The following CACNA1C variants were observed in gnomAD, a reference collection of about 807,000 sequenced individuals.
CACNA1C encodes the protein voltage-dependent L-type calcium channel subunit alpha-1C.
CACNA1C carries 30 observed loss-of-function variants against 229.0 expected under a neutral mutation model. The ratio of observed to expected loss-of-function variants is 0.13; its 90% CI spans 0.10 to 0.18. The LOEUF is 0.18. CACNA1C is among the 10% of genes least tolerant of loss of function. The pLI is 1.00. For synonymous variants in CACNA1C, 1,114 were observed against 1,132.5 expected, an observed-to-expected ratio of 0.98 and a Z score of 0.33; for missense variants, 1,658 against 2,845.0, an observed-to-expected ratio of 0.58 and a Z score of 9.49.
At chr12:2,027,567 C>T (rs1014334345) in intron 1 of CACNA1C, among the ~76,000 whole-genome samples, 2 of 152,172 alleles carry the variant, frequency 1.3e-5, no homozygotes, top group Admixed American at 6.5e-5. Flanking sequence ...TAACCTCTTC[C>T]AAGCACTGCA....
intron 3 of CACNA1C, among the ~76,000 whole-genome samples, chr12:2,291,380 C>T (rs2093486272): frequency 6.6e-6 from 1 of 152,162 alleles, no homozygotes; most frequent in African/African-American, 2.4e-5. Context: ...TTTGCCTGCA[C>T]CACCTACTGG....
Position 2,566,581 on chromosome 12 carries a change from A to T in CACNA1C, c.1668A>T (p.Gln556His). 6.3e-7 allele frequency: 1 copy of T among 1,594,218 alleles called. No homozygotes were observed. Among genetic ancestry groups the T allele is most frequent in the Non-Finnish European group, 8.5e-7 (1 of 1,170,752 alleles). ...YNQPNWLTEV[Q>H]DTANKALLAL... ...AGCCCAACTGGCTCACAGAAGTCCA[A>T]GGTGAGCGGCGGCCCCAGCTCTGCT... is the stretch of plus-strand genomic sequence containing the variant. Residue 556 changes from glutamine to histidine, a missense_variant and splice_region_variant, in exon 12 of 47, where the codon CAA becomes CAT. Around this residue, in one of 20 missense-constraint regions of CACNA1C, gnomAD observed 149 missense variants for 194.2 expected, o/e 0.77. Transcript: ENST00000399655. This position sits in a 1 kb window ranked among gnomAD's most constrained non-coding sequence, Gnocchi z 4.0.
intron 42 of CACNA1C, among the ~76,000 whole-genome samples, chr12:2,681,077 C>T (rs745638294): frequency 6.6e-6 from 1 of 152,158 alleles, no homozygotes; most frequent in African/African-American, 2.4e-5. Context: ...GTCCCCATAC[C>T]CCCTTCTCCC....
At chr12:2,379,384 C>T (rs761399416) in intron 3 of CACNA1C, among the ~76,000 whole-genome samples, 65 of 152,188 alleles carry the variant, frequency 4.3e-4, no homozygotes, top group Non-Finnish European at 7.3e-4. Context: ...ATCCCTTTAT[C>T]GGTTTTCTCT....
At chr12:2,462,284 G>A (rs535224356) in intron 5 of CACNA1C, among the ~76,000 whole-genome samples, 4 of 147,224 alleles carry the variant, frequency 2.7e-5, no homozygotes, top group South Asian at 2.2e-4. Flanking sequence ...ACACTTCCTC[G>A]GCACCCCCTC....
Position 2,541,231 on chromosome 12 carries a change from A to C in CACNA1C, c.1391-8712A>C, listed in dbSNP as rs2099869382. On this transcript the variant is annotated intron_variant, in intron 9 of 46. Coordinates refer to ENST00000399655, the MANE Select transcript of CACNA1C (RefSeq NM_000719.7). ...CCTCAGCATCTGAATTTCCGAGGGG[A>C]TATAACTCAACTCACAGCAGATAAG... is the stretch of plus-strand genomic sequence containing the variant. Among the ~76,000 whole-genome samples the C allele has an allele frequency of 2.0e-5, 3 of 152,166 alleles. No homozygotes were observed. The South Asian group carries it at 6.2e-4, about 32-fold the overall frequency.
intron 3 of CACNA1C, among the ~76,000 whole-genome samples, chr12:2,361,242 T>TA (rs1341951643): frequency 6.6e-6 from 1 of 151,876 alleles, no homozygotes; most frequent in Non-Finnish European, 1.5e-5. Context: ...CCCTGACACT[T>TA]AAAAAATAAT....
At chr12:2,406,823 A>G (rs2098742618) in intron 3 of CACNA1C, among the ~76,000 whole-genome samples, 1 of 152,210 alleles carries the variant, frequency 6.6e-6, no homozygotes, top group Non-Finnish European at 1.5e-5. Flanking sequence ...TGTTCTTGGT[A>G]TGAGGAATGA....
At chr12:2,289,338 G>A (rs1033329042) in intron 3 of CACNA1C, among the ~76,000 whole-genome samples, 1 of 152,174 alleles carries the variant, frequency 6.6e-6, no homozygotes, top group African/African-American at 2.4e-5. Flanking sequence ...TTCCTTCACT[G>A]CCTGGGGAGG....
At chr12:2,382,193 T>C (rs780390090) in intron 3 of CACNA1C, among the ~76,000 whole-genome samples, 1 of 152,204 alleles carries the variant, frequency 6.6e-6, no homozygotes, top group Non-Finnish European at 1.5e-5. Flanking sequence ...ACAATAGCAT[T>C]AGCAGTTTCT....
At chr12:2,325,012 G>T (rs2096226155) in intron 3 of CACNA1C, among the ~76,000 whole-genome samples, 1 of 152,194 alleles carries the variant, frequency 6.6e-6, no homozygotes, top group Non-Finnish European at 1.5e-5. Flanking sequence ...TGACAAAAGA[G>T]GTTAAATCAC....
chr12:2,144,790 G>A (rs1394941399), intron 3 of CACNA1C, among the ~76,000 whole-genome samples: 1 of 151,274 alleles, frequency 6.6e-6, no homozygotes, highest in African/African-American at 2.4e-5. Context: ...TTTTCATCCT[G>A]CTAAAGTGAT....
intron 3 of CACNA1C, among the ~76,000 whole-genome samples, chr12:2,411,624 T>C (rs570695896): frequency 1.4e-4 from 21 of 152,278 alleles, no homozygotes; most frequent in Admixed American, 5.2e-4. Flanking sequence ...AAAGCAGCCA[T>C]GAGGTAGCCT....
Position 2,556,814 on chromosome 12 carries a change from T to C in CACNA1C, c.1482-137T>C, listed in dbSNP as rs982142736. 1.3e-5 allele frequency: 10 copies of C among 747,394 alleles called. No homozygotes were observed. The African/African-American group carries it at 1.5e-4, about 12-fold the overall frequency. 46.3% of individuals were successfully genotyped at this position (747,394 alleles called of 1,614,324 possible). The stretch of plus-strand genomic sequence containing the variant: ...TAGGGTTCTTTCTCTCCCAAGATGT[T>C]CTAGTTCACACCATGCCTCCTTCCA... On this transcript the variant is annotated intron_variant, in intron 10 of 46. Coordinates refer to ENST00000399655, the MANE Select transcript of CACNA1C (RefSeq NM_000719.7).
intron 3 of CACNA1C, among the ~76,000 whole-genome samples, chr12:2,381,185 C>G (rs2098235860): frequency 6.6e-6 from 1 of 152,152 alleles, no homozygotes; most frequent in Non-Finnish European, 1.5e-5. Flanking sequence ...GAGGTTAGAT[C>G]AGGCTTCCAA....
At chr12:2,321,209 A>G (rs1355767250) in intron 3 of CACNA1C, among the ~76,000 whole-genome samples, 1 of 151,438 alleles carries the variant, frequency 6.6e-6, no homozygotes, top group Non-Finnish European at 1.5e-5. Context: ...TCTGGCTTCC[A>G]AGGTGGTCGT....
intron 34 of CACNA1C, among the ~76,000 whole-genome samples, chr12:2,663,765 G>A (rs1406603242): frequency 1.8e-5 from 2 of 112,116 alleles, no homozygotes; most frequent in African/African-American, 6.9e-5. Context: ...TTTTTGAGAC[G>A]GAGTCTCGCT....
intron 3 of CACNA1C, among the ~76,000 whole-genome samples, chr12:2,366,207 C>T (rs1365217659): frequency 3.3e-5 from 5 of 152,094 alleles, no homozygotes; most frequent in South Asian, 4.2e-4. Flanking sequence ...TGGGACTGTG[C>T]GAGAGTTATT....
chr12:2,186,525 T>TA (rs1015701419), intron 3 of CACNA1C, among the ~76,000 whole-genome samples: 2 of 152,014 alleles, frequency 1.3e-5, no homozygotes, highest in African/African-American at 4.8e-5. Context: ...AAGGGAGAAA[T>TA]AGAGACTAAA....
Sources: allele counts gnomAD v4.1 joint callset (sites outside exome capture counted in the v4.1 genomes callset), GRCh38; gene constraint gnomAD v4.1.1; regional missense constraint gnomAD v4.1.1; non-coding constraint Gnocchi (gnomAD v3.1); transcripts MANE v1.5; gene names NCBI Gene and HGNC (gene_info 2026-07-23, HGNC 2026-07-21).